P3H4: variants seen among roughly 807,000 people sequenced by gnomAD.
The protein encoded by P3H4 is prolyl 3-hydroxylase family member 4 (inactive), also known as endoplasmic reticulum protein SC65.
P3H4 carries 47 observed loss-of-function variants against 52.9 expected under a neutral mutation model. That is an observed-to-expected ratio of 0.89 (90% CI 0.70 to 1.13). The LOEUF is 1.13. Ranked by LOEUF, P3H4 falls within the 50% of genes most tolerant of loss-of-function variation. The pLI is 0.00. For missense variants in P3H4, 585 were observed against 611.0 expected, an observed-to-expected ratio of 0.96 and a Z score of 0.45; for synonymous variants, 256 against 267.9, an observed-to-expected ratio of 0.96 and a Z score of 0.44.
Position 41,811,712 on chromosome 17 carries a change from G to A in P3H4, c.204C>T (p.Leu68=). Residue 68 remains leucine, a synonymous_variant, in exon 1 of 8, where the codon CTC becomes CTT. Coordinates refer to ENST00000393928, the MANE Select transcript of P3H4 (RefSeq NM_006455.3). This position sits in a 1 kb window ranked among gnomAD's most constrained non-coding sequence, Gnocchi z 4.8. ...GGCAGAAGGCCTCGCTGTCGCGCAGGAGCCGGTGCAGCCGCAGCGCCGCCT... is the reference window on the plus strand; with the variant it reads ...GGCAGAAGGCCTCGCTGTCGCGCAGAAGCCGGTGCAGCCGCAGCGCCGCCT... ...YLEAALRLHR[L]LRDSEAFCHA... 1.3e-6 allele frequency: 2 copies of A among 1,489,266 alleles called. No individual in the cohort carries two copies. Among genetic ancestry groups the A allele is most frequent in the Non-Finnish European group, 1.8e-6 (2 of 1,131,140 alleles). The allele number at this position is 1,489,266 out of a possible 1,614,324, so 92.3% of individuals were successfully genotyped here. A position where few individuals can be genotyped will look rare whatever the true frequency, so the allele number is the denominator to read the frequency against.
At chr17:41,810,663 T>G (rs2047720248) in intron 3 of P3H4, 200 bp downstream of exon 3, 1 of 602,800 alleles carries the variant, frequency 1.7e-6, no homozygotes, top group Non-Finnish European at 2.8e-6. Context: ...TTTAGGGATG[T>G]CACTGCCTCT....
At chr17:41,807,037 T>G (rs1555614290) in intron 5 of P3H4, 158 bp from the exon 6 acceptor site, 1 of 613,382 alleles carries the variant, frequency 1.6e-6, no homozygotes, top group Non-Finnish European at 2.9e-6. Flanking sequence ...TCGTGGCTGC[T>G]TGGAACACTG....
chr17:41,809,924 T>C, intron 3 of P3H4, 90 bp from the exon 4 acceptor site: 1 of 1,462,820 alleles, frequency 6.8e-7, no homozygotes. Context: ...AATCTCTGCC[T>C]ACTAAGCCAA....
Position 41,811,232 on chromosome 17 carries a change from T to G in P3H4, c.515A>C (p.Asn172Thr). The part of the protein sequence containing the change: ...VAAAYTFLQR[N>T]PKHELTAKYL... ...CTTGGCGGTCAGCTCGTGCTTCGGG[T>G]TCCTCTGGAGGAAGGTGTAGGCCGC... Residue 172 changes from asparagine (N) to threonine (T), a missense_variant, in exon 2 of 8, where the codon AAC (asparagine) becomes ACC (threonine). By Grantham distance (65) the Asn-to-Thr change is moderately conservative. Coordinates refer to ENST00000393928, the MANE Select transcript of P3H4 (RefSeq NM_006455.3). The surrounding 1 kb of genome is among the most constrained non-coding windows in gnomAD (Gnocchi z 4.8). 1 of 1,613,990 alleles carries G rather than the reference T, an allele frequency of 6.2e-7. No individual in the cohort carries two copies. The highest frequency in any genetic ancestry group is 1.1e-5 in the South Asian group (1 of 91,074).
In P3H4 at chr17:41,811,068, C is replaced by A; in HGVS notation, c.616-34G>T. 6.2e-7 allele frequency: 1 copy of A among 1,608,048 alleles called. No homozygotes were observed. The highest frequency in any genetic ancestry group is 1.1e-5 in the South Asian group (1 of 90,866). On this transcript the variant is annotated intron_variant, in intron 2 of 7. Coordinates refer to ENST00000393928, the MANE Select transcript of P3H4 (RefSeq NM_006455.3). The surrounding 1 kb of genome is among the most constrained non-coding windows in gnomAD (Gnocchi z 4.8). ...GGCGTGGCAGGGGGAGTCAGGGCGC[C>A]CCCAACATCTCCCCTCCTCTACTAG...
rs1567848892 is a variant in P3H4, at chr17:41,808,016, CA to C, written c.917-13del. 5.6e-6 allele frequency: 9 copies of C among 1,610,052 alleles called. No individual in the cohort carries two copies. The highest frequency in any genetic ancestry group is 1.7e-5 in the Admixed American group (1 of 59,586). ...GCGCACATCATTCACTGCAGCAGGACAGGGGTGAGGAATTGCTCTGGCACTT... is the reference window on the plus strand; with the variant it reads ...GCGCACATCATTCACTGCAGCAGGACGGGGTGAGGAATTGCTCTGGCACTT... On this transcript the variant is annotated splice_polypyrimidine_tract_variant and intron_variant, in intron 4 of 7. Coordinates refer to ENST00000393928, the MANE Select transcript of P3H4 (RefSeq NM_006455.3).
At chr17:41,810,167 G>GTTTTT (rs1567849700) in intron 3 of P3H4, among the ~76,000 whole-genome samples, 1 of 137,230 alleles carries the variant, frequency 7.3e-6, no homozygotes, top group African/African-American at 2.8e-5. Flanking sequence ...CTAAAGGACA[G>GTTTTT]TCTTTTTTTT....
At chr17:41,810,322 C>T (rs1248344763) in intron 3 of P3H4, among the ~76,000 whole-genome samples, 2 of 151,734 alleles carry the variant, frequency 1.3e-5, no homozygotes, top group South Asian at 2.1e-4. Flanking sequence ...TACAGGTGCC[C>T]GCCACCACGA....
chr17:41,802,596 G>A lies in P3H4; in HGVS notation c.*361C>T, dbSNP rs2047629651. 4.0e-6 allele frequency: 1 copy of A among 248,634 alleles called. No homozygotes were observed. Among genetic ancestry groups the A allele is most frequent in the Non-Finnish European group, 7.7e-6 (1 of 130,118 alleles). 15.4% of individuals were successfully genotyped at this position (248,634 alleles called of 1,614,324 possible). A position where few individuals can be genotyped will look rare whatever the true frequency, so the allele number is the denominator to read the frequency against. On this transcript the variant is annotated 3_prime_UTR_variant, in exon 8 of 8. Coordinates refer to ENST00000393928, the MANE Select transcript of P3H4 (RefSeq NM_006455.3). Reference sequence around the variant, plus strand: ...AGATGGAGTCTCGCTCTGTCGCCCAGGCTGGAGTGCGGTGGCGCAATCTCA... The same window carrying A: ...AGATGGAGTCTCGCTCTGTCGCCCAAGCTGGAGTGCGGTGGCGCAATCTCA...
At position 41,802,049 on chromosome 17, in the gene P3H4, C is replaced by G. The variant is rs781833583; in HGVS notation, c.*908G>C. On this transcript the variant is annotated 3_prime_UTR_variant, in exon 8 of 8. Coordinates refer to ENST00000393928, the MANE Select transcript of P3H4 (RefSeq NM_006455.3). Reference sequence around the variant, plus strand: ...GCTCTTCAGGACCCTGGAGGACCCTCTGCAATTTGGCCTGAGACTCCAGCC... The same window carrying G: ...GCTCTTCAGGACCCTGGAGGACCCTGTGCAATTTGGCCTGAGACTCCAGCC... 1 of 152,468 alleles carries G rather than the reference C, an allele frequency of 6.6e-6. No individual in the cohort carries two copies. Among genetic ancestry groups the G allele is most frequent in the Non-Finnish European group, 1.5e-5 (1 of 68,140 alleles). 9.4% of individuals were successfully genotyped at this position (152,468 alleles called of 1,614,324 possible).
At position 41,811,062 on chromosome 17, in the gene P3H4, G is replaced by C. The variant is rs782479691; in HGVS notation, c.616-28C>G. ...GGAAGGGGCGTGGCAGGGGGAGTCA[G>C]GGCGCCCCCAACATCTCCCCTCCTC... On this transcript the variant is annotated intron_variant, in intron 2 of 7. Coordinates refer to ENST00000393928, the MANE Select transcript of P3H4 (RefSeq NM_006455.3). The surrounding 1 kb of genome is among the most constrained non-coding windows in gnomAD (Gnocchi z 4.8). 1.2e-6 allele frequency: 2 copies of C among 1,607,834 alleles called. No individual in the cohort carries two copies. The highest frequency in any genetic ancestry group is 3.3e-5 in the Admixed American group (2 of 59,840).
At position 41,806,860 on chromosome 17, in the gene P3H4, T is replaced by C. The variant is rs781836884; in HGVS notation, c.1082A>G (p.Asn361Ser). The change falls in exon 6 of 8, where the codon AAC (asparagine) becomes AGC (serine). Residue 361 changes from asparagine to serine, a missense_variant. By Grantham distance (46) the Asn-to-Ser change is conservative. Coordinates refer to ENST00000393928, the MANE Select transcript of P3H4 (RefSeq NM_006455.3). ...QPREEAMLYH[N>S]QTAELRELLE... ...CAGCTCCCGCAGCTCGGCGGTCTGG[T>C]TGTGGTAGAGCATGGCCTCCTGGAA... 8 of 1,613,596 alleles carry C rather than the reference T, an allele frequency of 5.0e-6. No homozygotes were observed. The highest frequency in any genetic ancestry group is 1.3e-5 in the African/African-American group (1 of 74,980).
chr17:41,806,987 G>A lies in P3H4; in HGVS notation c.1063-108C>T, dbSNP rs1421009851. On this transcript the variant is annotated intron_variant, in intron 5 of 7. Coordinates refer to ENST00000393928, the MANE Select transcript of P3H4 (RefSeq NM_006455.3). Reference sequence around the variant, plus strand: ...CCCACTGGCCCTCTTCTAGCTCAAGGATCAGAGAATAGGTATCAGCTCACA... The same window carrying A: ...CCCACTGGCCCTCTTCTAGCTCAAGAATCAGAGAATAGGTATCAGCTCACA... 2.2e-5 allele frequency: 17 copies of A among 784,806 alleles called. 1 individual carries two copies. In the South Asian group the frequency reaches 2.3e-4, roughly 10 times the overall value. 48.6% of individuals were successfully genotyped at this position (784,806 alleles called of 1,614,324 possible).
Position 41,811,293 on chromosome 17 carries a change from G to C in P3H4, c.463-9C>G. Reference sequence around the variant, plus strand: ...TTCTCCAGCCGGTTAGCCTGGTCGGGGGGTAGGGGGTGGGGGAGCGGGTCA... The same window carrying C: ...TTCTCCAGCCGGTTAGCCTGGTCGGCGGGTAGGGGGTGGGGGAGCGGGTCA... On this transcript the variant is annotated splice_polypyrimidine_tract_variant and intron_variant, in intron 1 of 7. Transcript: ENST00000393928. The surrounding 1 kb of genome is among the most constrained non-coding windows in gnomAD (Gnocchi z 4.8). The C allele has an allele frequency of 6.2e-7, 1 of 1,612,290 alleles. No homozygotes were observed. Among genetic ancestry groups the C allele is most frequent in the Non-Finnish European group, 8.5e-7 (1 of 1,179,906 alleles).
intron 5 of P3H4, chr17:41,807,470 A>G (rs920804355): frequency 3.9e-5 from 6 of 155,176 alleles, no homozygotes; most frequent in Admixed American, 3.2e-4. Flanking sequence ...CCTTCCATGG[A>G]AGCCAGGAGT....
rs562672306 is a variant in P3H4 at position 41,811,594 on chromosome 17, G to C, written c.322C>G (p.Arg108Gly). Residue 108 changes from arginine to glycine, a missense_variant, in exon 1 of 8, where the codon CGC becomes GGC. Arg to Gly is a moderately radical substitution (Grantham distance 125, BLOSUM62 -2). Coordinates refer to ENST00000393928, the MANE Select transcript of P3H4 (RefSeq NM_006455.3). The surrounding 1 kb of genome is among the most constrained non-coding windows in gnomAD (Gnocchi z 4.8). ...AGGCAGGCGGCTCGCTCCAGGACGCGGCCGAAGAGCCGCAGCTCGCAGGCC... is the reference window on the plus strand; with the variant it reads ...AGGCAGGCGGCTCGCTCCAGGACGCCGCCGAAGAGCCGCAGCTCGCAGGCC... ...EWACELRLFG[R>G]VLERAACLRR... 488 of 1,578,474 alleles carry C rather than the reference G, an allele frequency of 3.1e-4. No homozygotes were observed. The African/African-American group carries it at 5.8e-3, about 19-fold the overall frequency.
At chr17:41,807,006 G>C in intron 5 of P3H4, 127 bp from the exon 6 acceptor site, 1 of 675,814 alleles carries the variant, frequency 1.5e-6, no homozygotes. Context: ...ATAGGTATCA[G>C]CTCACAAGCT....
In P3H4 at chr17:41,809,800, G is replaced by A; in HGVS notation, c.822C>T (p.Asp274=). Residue 274 remains aspartate (D), a synonymous_variant, in exon 4 of 8, where the codon GAC becomes GAT. Coordinates refer to ENST00000393928, the MANE Select transcript of P3H4 (RefSeq NM_006455.3). ...CATTGGGGGTCAAATTGGCCTCACA[G>A]TCCACCTTGCACTGCAGGGACTCTG... ...LFAESLQCKV[D]CEANLTPNVG... 6.2e-7 allele frequency: 1 copy of A among 1,613,882 alleles called. No homozygotes were observed. Among genetic ancestry groups the A allele is most frequent in the Non-Finnish European group, 8.5e-7 (1 of 1,179,956 alleles).
At position 41,811,504 on chromosome 17, in the gene P3H4, C is replaced by T. The variant is rs1597899988; in HGVS notation, c.412G>A (p.Asp138Asn). 2.5e-6 allele frequency: 4 copies of T among 1,611,828 alleles called. No homozygotes were observed. The highest frequency in any genetic ancestry group is 1.7e-5 in the Admixed American group (1 of 59,986). Residue 138 changes from aspartate (D) to asparagine (N), a missense_variant, in exon 1 of 8, where the codon GAC (aspartate) becomes AAC (asparagine). By Grantham distance (23) the Asp-to-Asn change is conservative. Coordinates refer to ENST00000393928, the MANE Select transcript of P3H4 (RefSeq NM_006455.3). The surrounding 1 kb of genome is among the most constrained non-coding windows in gnomAD (Gnocchi z 4.8). ...TGGTAGGGCAGGCGGCTCTGGAAGT[C>T]ACGCAGCAGCTGCCGCGGCGGGTAG... Reference protein sequence around the residue: ...VPYPPRQLLRDFQSRLPYQYL... With the variant: ...VPYPPRQLLRNFQSRLPYQYL...
Sources: allele counts gnomAD v4.1 joint callset (sites outside exome capture counted in the v4.1 genomes callset), GRCh38; gene constraint gnomAD v4.1.1; non-coding constraint Gnocchi (gnomAD v3.1); transcripts MANE v1.5; gene names NCBI Gene and HGNC (gene_info 2026-07-23, HGNC 2026-07-21).